The following KCTD1 variants were observed in gnomAD, a reference collection of about 807,000 sequenced individuals.
KCTD1 encodes the protein potassium channel tetramerization domain containing 1.
KCTD1 carries 24 observed loss-of-function variants against 66.0 expected under a neutral mutation model. That is an observed-to-expected ratio of 0.36 (90% CI 0.26 to 0.51). KCTD1 has a LOEUF of 0.51. Ranked by LOEUF, KCTD1 falls within the 20% of genes least tolerant of loss-of-function variation. The pLI is 0.95. For missense variants in KCTD1, 943 were observed against 1,205.2 expected, an observed-to-expected ratio of 0.78 and a Z score of 3.22; for synonymous variants, 511 against 517.2, an observed-to-expected ratio of 0.99 and a Z score of 0.16.
chr18:26,482,910 G>A (rs1311747199), intron 2 of KCTD1, among the ~76,000 whole-genome samples: 1 of 152,224 alleles, frequency 6.6e-6, no homozygotes, highest in Non-Finnish European at 1.5e-5. Flanking sequence ...GAAAAGGGAA[G>A]GGCCCGGGTG....
chr18:26,502,197 C>G (rs1337533667), intron 1 of KCTD1, among the ~76,000 whole-genome samples: 12 of 152,148 alleles, frequency 7.9e-5, no homozygotes, highest in Admixed American at 7.9e-4. Context: ...CTACAGGCGT[C>G]CGCCACCACG....
At chr18:26,469,246 T>C (rs1261543541) in intron 3 of KCTD1, among the ~76,000 whole-genome samples, 3 of 152,012 alleles carry the variant, frequency 2.0e-5, no homozygotes, top group Admixed American at 6.5e-5. Flanking sequence ...GTACTTAGAA[T>C]TGATAAATAG....
At chr18:26,502,726 A>G (rs1177998443) in intron 1 of KCTD1, among the ~76,000 whole-genome samples, 1 of 152,198 alleles carries the variant, frequency 6.6e-6, no homozygotes, top group Admixed American at 6.5e-5. Flanking sequence ...TGACACACGT[A>G]TACTCTCAGA....
rs946818344 is a variant in KCTD1 at position 26,612,921 on chromosome 18, G to T, written c.-16+16226C>A. ...TGTTTTAGGTGGAAGGGTAAATGTG[G>T]TCCTTGTTATTATTGTTTGTTGGCT... On this transcript the variant is annotated intron_variant, in intron 1 of 4. Transcript: ENST00000317932. Among the ~76,000 whole-genome samples the T allele has an allele frequency of 2.0e-5, 3 of 152,270 alleles. No homozygotes were observed. The East Asian group carries it at 5.8e-4, about 29-fold the overall frequency.
intron 1 of KCTD1, among the ~76,000 whole-genome samples, chr18:26,622,423 A>G (rs959016831): frequency 6.6e-6 from 1 of 152,206 alleles, no homozygotes; most frequent in African/African-American, 2.4e-5. Context: ...TCTCCTCCCC[A>G]TAAACCATCT....
chr18:26,488,888 C>A (rs1481735992), intron 2 of KCTD1, among the ~76,000 whole-genome samples: 2 of 152,146 alleles, frequency 1.3e-5, no homozygotes, highest in African/African-American at 4.8e-5. Flanking sequence ...TTCAGACAGT[C>A]GGGCAAATAG....
intron 1 of KCTD1, among the ~76,000 whole-genome samples, chr18:26,542,220 T>A (rs1339231088): frequency 1.3e-5 from 2 of 152,238 alleles, no homozygotes; most frequent in Non-Finnish European, 2.9e-5. Flanking sequence ...ATGTTAAAGC[T>A]ACGTTTTCTT....
intron 2 of KCTD1, among the ~76,000 whole-genome samples, chr18:26,493,143 A>T (rs1373861911): frequency 6.6e-6 from 1 of 152,194 alleles, no homozygotes; most frequent in Non-Finnish European, 1.5e-5. Context: ...GTTTTGGGTT[A>T]AGTGAGAAGT....
At chr18:26,649,900 T>C (rs1263921098) in intron 1 of KCTD1, among the ~76,000 whole-genome samples, 2 of 152,176 alleles carry the variant, frequency 1.3e-5, no homozygotes, top group Non-Finnish European at 2.9e-5. Flanking sequence ...GTCACTGCCA[T>C]CTGCTGGATG....
At chr18:26,622,599 T>C (rs549508825) in intron 1 of KCTD1, among the ~76,000 whole-genome samples, 5 of 152,226 alleles carry the variant, frequency 3.3e-5, no homozygotes, top group South Asian at 4.1e-4. Flanking sequence ...TAAACACTGA[T>C]GAATTCCATA....
chr18:26,555,486 A>T (rs1467315521), intron 1 of KCTD1, among the ~76,000 whole-genome samples: 1 of 152,262 alleles, frequency 6.6e-6, no homozygotes, highest in Non-Finnish European at 1.5e-5. Context: ...TTATTAGGCA[A>T]CGTCTTCAAA....
At chr18:26,616,588 T>C (rs931345774) in intron 1 of KCTD1, among the ~76,000 whole-genome samples, 12 of 151,884 alleles carry the variant, frequency 7.9e-5, no homozygotes, top group African/African-American at 2.7e-4. Flanking sequence ...GGCACAATCA[T>C]AGGTCACTGT....
chr18:26,504,583 G>A (rs1982934639), intron 1 of KCTD1, among the ~76,000 whole-genome samples: 1 of 152,066 alleles, frequency 6.6e-6, no homozygotes, highest in South Asian at 2.1e-4. Context: ...GTGTTGCCCA[G>A]GCTGGCCTTG....
intron 1 of KCTD1, among the ~76,000 whole-genome samples, chr18:26,504,710 GGGC>G (rs386801801): frequency 0.02 from 3,062 of 152,208 alleles, 108 homozygotes; most frequent in African/African-American, 0.07. Context: ...GGGGTTGGGG[GGGC>G]GATATTTGGG....
chr18:26,551,649 G>GA (rs377377890), upstream of KCTD1, among the ~76,000 whole-genome samples: 142 of 146,464 alleles, frequency 9.7e-4, 4 homozygotes, highest in East Asian at 9.9e-3. Flanking sequence ...TCGACCAAAA[G>GA]AAAAAAAAAA....
At chr18:26,577,798 A>G (rs979063051) in intron 1 of KCTD1, among the ~76,000 whole-genome samples, 4 of 151,916 alleles carry the variant, frequency 2.6e-5, no homozygotes, top group Non-Finnish European at 4.4e-5. Context: ...GGTCTTGAAC[A>G]CCAGACCTCA....
intron 1 of KCTD1, among the ~76,000 whole-genome samples, chr18:26,656,720 G>T (rs1389279251): frequency 6.6e-6 from 1 of 151,468 alleles, no homozygotes; most frequent in Admixed American, 6.6e-5. Flanking sequence ...GGGGCGGCGG[G>T]GCCCCTACCC....
intron 1 of KCTD1, among the ~76,000 whole-genome samples, chr18:26,521,102 A>T (rs1983888229): frequency 6.6e-6 from 1 of 152,312 alleles, no homozygotes; most frequent in African/African-American, 2.4e-5. Context: ...AAGGACAGGG[A>T]CAGGCCAAGT....
chr18:26,548,842 A>G, upstream of KCTD1: 1 of 1,027,720 alleles, frequency 9.7e-7, no homozygotes, highest in Non-Finnish European at 1.2e-6. Context: ...GAAAAAAAAA[A>G]GGAAAGGGAG....
Sources: allele counts gnomAD v4.1 joint callset (sites outside exome capture counted in the v4.1 genomes callset), GRCh38; gene constraint gnomAD v4.1.1; transcripts MANE v1.5; gene names NCBI Gene and HGNC (gene_info 2026-07-23, HGNC 2026-07-21).